Variants in CHRM5 observed in about 807,000 individuals in gnomAD.
CHRM5 encodes cholinergic receptor muscarinic 5, also known as muscarinic acetylcholine receptor M5.
A neutral mutation model predicts 39.0 loss-of-function variants in CHRM5; 18 were observed. That is an observed-to-expected ratio of 0.46 (90% CI 0.32 to 0.68). The LOEUF (loss-of-function observed/expected upper bound fraction) is 0.68, where lower values mean the gene tolerates loss of function less well. Among genes scored for constraint, CHRM5 ranks in the 30% least tolerant of loss-of-function variants. The pLI is 0.04. For synonymous variants in CHRM5, 241 were observed against 246.3 expected (o/e 0.98, Z 0.20); for missense variants, 515 against 651.1 (o/e 0.79, Z 2.28).
chr15:34,015,902 T>C (rs1261255166), intron 1 of CHRM5, among the ~76,000 whole-genome samples: 1 of 152,234 alleles, frequency 6.6e-6, no homozygotes, highest in African/African-American at 2.4e-5. Flanking sequence ...AGACAGTACA[T>C]TCCTGGCTCC....
intron 1 of CHRM5, among the ~76,000 whole-genome samples, chr15:33,973,009 G>A (rs1695653763): frequency 6.6e-6 from 1 of 152,172 alleles, no homozygotes; most frequent in Non-Finnish European, 1.5e-5. Context: ...TCAGTCCTAT[G>A]TACTGGTTCA....
chr15:34,016,171 T>C (rs80087923), intron 1 of CHRM5, among the ~76,000 whole-genome samples: 16,704 of 152,132 alleles, frequency 0.11, 1,119 homozygotes, highest in East Asian at 0.34. Flanking sequence ...AGCTACTCGG[T>C]TACAGTGAGC....
intron 1 of CHRM5, among the ~76,000 whole-genome samples, chr15:33,978,914 GATGT>G (rs1182470043): frequency 7.7e-6 from 1 of 130,388 alleles, no homozygotes; most frequent in Non-Finnish European, 1.7e-5. Context: ...AGAGGAAAGA[GATGT>G]ATGTCCATGC....
In CHRM5 at chr15:34,015,593, C is replaced by T. The variant is rs114090117; in HGVS notation, c.-407-30947C>T. Among the ~76,000 whole-genome samples the T allele has an allele frequency of 7.2e-3, 1,102 of 152,220 alleles. 16 individuals are homozygous for T. The highest frequency in any genetic ancestry group is 0.026 in the African/African-American group (1,068 of 41,520). On this transcript the variant is annotated intron_variant, in intron 1 of 2. Transcript: ENST00000383263. Reference sequence around the variant, plus strand: ...GAAATTAAACTAACTAAAAATTCCACCCTCGGTCTTTAGGAGCTAAGAATA... The same window carrying T: ...GAAATTAAACTAACTAAAAATTCCATCCTCGGTCTTTAGGAGCTAAGAATA...
At chr15:34,013,100 C>T (rs1249373852) in intron 1 of CHRM5, among the ~76,000 whole-genome samples, 3 of 151,850 alleles carry the variant, frequency 2.0e-5, no homozygotes, top group Admixed American at 1.3e-4. Flanking sequence ...CTCACTCTGT[C>T]GCCCCGGCTG....
At chr15:34,002,775 T>G (rs1449486854) in intron 1 of CHRM5, among the ~76,000 whole-genome samples, 1 of 152,220 alleles carries the variant, frequency 6.6e-6, no homozygotes, top group Non-Finnish European at 1.5e-5. Flanking sequence ...ATGGCTCAGC[T>G]TTTTCCACTT....
At chr15:33,983,200 G>GTA (rs769965010) in intron 1 of CHRM5, among the ~76,000 whole-genome samples, 2,865 of 63,858 alleles carry the variant, frequency 0.045, 112 homozygotes, top group African/African-American at 0.15. Context: ...GTATGTGTGT[G>GTA]TATATATATA....
intron 1 of CHRM5, among the ~76,000 whole-genome samples, chr15:34,044,664 A>T (rs901851409): frequency 6.6e-6 from 1 of 152,214 alleles, no homozygotes; most frequent in African/African-American, 2.4e-5. Context: ...CCAACCCCAT[A>T]GCCTGTGGCA....
chr15:34,026,743 G>A (rs1311954796), intron 1 of CHRM5, among the ~76,000 whole-genome samples: 1 of 152,174 alleles, frequency 6.6e-6, no homozygotes, highest in East Asian at 1.9e-4. Flanking sequence ...CACTGATATG[G>A]ATATGTGATC....
chr15:33,972,877 G>A (rs1306267580), intron 1 of CHRM5, among the ~76,000 whole-genome samples: 8 of 152,156 alleles, frequency 5.3e-5, no homozygotes, highest in Non-Finnish European at 1.2e-4. Context: ...ATACAAAGAT[G>A]ATGTGTAAAA....
At chr15:34,016,861 G>A (rs1371197895) in intron 1 of CHRM5, among the ~76,000 whole-genome samples, 1 of 152,170 alleles carries the variant, frequency 6.6e-6, no homozygotes, top group Non-Finnish European at 1.5e-5. Context: ...ACGTGTGGTG[G>A]CACACGCCTG....
intron 1 of CHRM5, among the ~76,000 whole-genome samples, chr15:33,983,215 C>CATATATATATATACATAT (rs148035145): frequency 8.9e-6 from 1 of 111,784 alleles, no homozygotes; most frequent in Non-Finnish European, 1.7e-5. Flanking sequence ...TATATATATA[C>CATATATATATATACATAT]ATATATATAC....
At chr15:34,032,210 C>A (rs1380340935) in intron 1 of CHRM5, among the ~76,000 whole-genome samples, 1 of 152,110 alleles carries the variant, frequency 6.6e-6, no homozygotes, top group Non-Finnish European at 1.5e-5. Flanking sequence ...ATAGAAAACA[C>A]CTTTGCAACC....
intron 2 of CHRM5, among the ~76,000 whole-genome samples, chr15:34,049,128 A>G (rs1438643765): frequency 1.3e-5 from 2 of 152,226 alleles, no homozygotes; most frequent in Non-Finnish European, 2.9e-5. Flanking sequence ...TGAAAACTCA[A>G]AAAGACAGAG....
chr15:34,008,584 G>T (rs1203425467), intron 1 of CHRM5, among the ~76,000 whole-genome samples: 1 of 150,480 alleles, frequency 6.6e-6, no homozygotes, highest in Non-Finnish European at 1.5e-5. Flanking sequence ...CGCCTCCCGG[G>T]TTCAAGTCAT....
chr15:34,002,987 A>C (rs769079620), intron 1 of CHRM5: 1 of 1,485,790 alleles, frequency 6.7e-7, no homozygotes, highest in Non-Finnish European at 9.1e-7. Context: ...ATGTCTGTGC[A>C]ACTTTCAGAG....
chr15:33,974,694 C>T (rs987163874), intron 1 of CHRM5, among the ~76,000 whole-genome samples: 5 of 152,100 alleles, frequency 3.3e-5, no homozygotes, highest in African/African-American at 1.2e-4. Flanking sequence ...AGCTTTGGGC[C>T]GGGCACAGTG....
intron 2 of CHRM5, among the ~76,000 whole-genome samples, chr15:34,050,633 C>T (rs1227349062): frequency 6.6e-6 from 1 of 151,890 alleles, no homozygotes; most frequent in Non-Finnish European, 1.5e-5. Flanking sequence ...CACACATAGG[C>T]TCAAAATAAA....
intron 1 of CHRM5, among the ~76,000 whole-genome samples, chr15:34,010,448 A>T (rs527511500): frequency 6.6e-6 from 1 of 152,174 alleles, no homozygotes; most frequent in Non-Finnish European, 1.5e-5. Flanking sequence ...TAACAACCAG[A>T]CAACAGATCC....
Sources: allele counts gnomAD v4.1 joint callset (sites outside exome capture counted in the v4.1 genomes callset), GRCh38; gene constraint gnomAD v4.1.1; transcripts MANE v1.5; gene names NCBI Gene and HGNC (gene_info 2026-07-23, HGNC 2026-07-21).